The following CCDC102B variants were observed in gnomAD, a reference collection of about 807,000 sequenced individuals.
CCDC102B encodes the protein coiled-coil domain containing 102B.
In CCDC102B, 75 loss-of-function variants were observed where a neutral mutation model predicts 57.4. That is an observed-to-expected ratio of 1.31 (90% CI 1.08 to 1.58). The LOEUF (loss-of-function observed/expected upper bound fraction) is 1.58. Ranked by LOEUF, CCDC102B falls within the 40% of genes most tolerant of loss-of-function variation. The pLI is 0.00. For synonymous variants in CCDC102B, 206 were observed against 201.9 expected, an observed-to-expected ratio of 1.02 and a Z score of -0.17; for missense variants, 636 against 582.6, an observed-to-expected ratio of 1.09 and a Z score of -0.94.
intron 7 of CCDC102B, among the ~76,000 whole-genome samples, chr18:69,041,256 C>T (rs1039260666): frequency 2.0e-5 from 3 of 152,076 alleles, no homozygotes; most frequent in African/African-American, 7.2e-5. Context: ...TTACATTGAG[C>T]TTACTCAGAT....
In CCDC102B at chr18:68,716,906, G is replaced by A. The variant is rs544709469; in HGVS notation, c.-67+312G>A. On this transcript the variant is annotated intron_variant, in intron 2 of 3. Coordinates refer to the CCDC102B transcript ENST00000578970. ...ATCCTGGCTAACACAGTGAAACCCCGTCTCTACTAAGAATACAGAGAATTA... is the reference window on the plus strand; with the variant it reads ...ATCCTGGCTAACACAGTGAAACCCCATCTCTACTAAGAATACAGAGAATTA... Among the ~76,000 whole-genome samples, 15 of 151,884 alleles carry A rather than the reference G, an allele frequency of 9.9e-5. No individual in the cohort carries two copies. The East Asian group carries it at 2.3e-3, about 24-fold the overall frequency.
At chr18:68,836,014 G>T (rs1167681176) in intron 1 of CCDC102B, among the ~76,000 whole-genome samples, 2 of 152,128 alleles carry the variant, frequency 1.3e-5, no homozygotes, top group African/African-American at 4.8e-5. Flanking sequence ...ATAGAGGCTT[G>T]TTAACCTATA....
At chr18:69,010,899 C>T in intron 6 of CCDC102B, 35 bp from the exon 7 acceptor site, 1 of 1,506,462 alleles carries the variant, frequency 6.6e-7, no homozygotes, top group Non-Finnish European at 9.0e-7. Flanking sequence ...TCAGAATAGA[C>T]TATAAATAAT....
At chr18:68,758,008 C>T (rs964486586) in intron 2 of CCDC102B, among the ~76,000 whole-genome samples, 1 of 152,034 alleles carries the variant, frequency 6.6e-6, no homozygotes, top group Non-Finnish European at 1.5e-5. Flanking sequence ...AGCCTTTTCA[C>T]CTCTTCTTGG....
At chr18:69,042,040 T>C (rs1246571963) in intron 7 of CCDC102B, among the ~76,000 whole-genome samples, 1 of 152,088 alleles carries the variant, frequency 6.6e-6, no homozygotes, top group East Asian at 1.9e-4. Context: ...TTATTCATAG[T>C]TGTATTAATT....
intron 6 of CCDC102B, among the ~76,000 whole-genome samples, chr18:69,007,663 A>G: frequency 6.6e-6 from 1 of 152,194 alleles, no homozygotes. Context: ...GAAGTTCCCA[A>G]GTGATGCCGT....
chr18:68,975,948 G>A (rs1246125001), intron 6 of CCDC102B, among the ~76,000 whole-genome samples: 2 of 151,456 alleles, frequency 1.3e-5, no homozygotes, highest in African/African-American at 4.9e-5. Flanking sequence ...GCCTTTATTA[G>A]TACGGACAGC....
At chr18:68,997,779 T>A (rs992578915) in intron 6 of CCDC102B, among the ~76,000 whole-genome samples, 21 of 152,202 alleles carry the variant, frequency 1.4e-4, no homozygotes, top group African/African-American at 5.1e-4. Context: ...AATCTGTCCT[T>A]TATGTTCTCA....
intron 7 of CCDC102B, among the ~76,000 whole-genome samples, chr18:69,014,976 A>AGTGT (rs758831401): frequency 4.7e-4 from 54 of 115,684 alleles, no homozygotes; most frequent in Middle Eastern, 4.8e-3. Context: ...AGAGAGAGAG[A>AGTGT]GAGTGTGTGT....
At chr18:69,009,481 C>A (rs1445414250) in intron 6 of CCDC102B, among the ~76,000 whole-genome samples, 1 of 151,928 alleles carries the variant, frequency 6.6e-6, no homozygotes, top group East Asian at 1.9e-4. Context: ...AATTGATGTG[C>A]CTCTAATTTG....
At chr18:69,042,207 A>G (rs184603756) in intron 7 of CCDC102B, among the ~76,000 whole-genome samples, 4 of 152,252 alleles carry the variant, frequency 2.6e-5, no homozygotes, top group Admixed American at 6.6e-5. Flanking sequence ...TAATATTACA[A>G]TAAATTATTG....
At chr18:68,725,519 G>A (rs542216774) in intron 2 of CCDC102B, among the ~76,000 whole-genome samples, 1 of 152,228 alleles carries the variant, frequency 6.6e-6, no homozygotes, top group Admixed American at 6.5e-5. Context: ...TAGGACTGAG[G>A]GCTCTGTTTC....
chr18:68,893,167 CTT>C (rs1249093956), intron 5 of CCDC102B, among the ~76,000 whole-genome samples: 1 of 152,070 alleles, frequency 6.6e-6, no homozygotes, highest in Non-Finnish European at 1.5e-5. Context: ...AAATTTATGA[CTT>C]TAGACATTTT....
intron 6 of CCDC102B, among the ~76,000 whole-genome samples, chr18:68,936,812 C>T (rs952799085): frequency 2.1e-4 from 32 of 150,360 alleles, no homozygotes; most frequent in African/African-American, 7.6e-4. Context: ...TACATATATA[C>T]ACACATATAC....
intron 7 of CCDC102B, 28 bp from the exon 8 acceptor site, chr18:69,054,002 A>G (rs745941521): frequency 1.4e-5 from 22 of 1,586,436 alleles, no homozygotes; most frequent in Middle Eastern, 3.3e-4. Context: ...CTTGAACCTA[A>G]CTAAAGCATT....
At chr18:69,055,203 GC>G (rs1315966721), downstream of CCDC102B, 13 of 936,846 alleles carry the variant, frequency 1.4e-5, no homozygotes, top group African/African-American at 2.3e-4. Flanking sequence ...CATTGTAAAA[GC>G]CTTTGTCATT....
intron 6 of CCDC102B, among the ~76,000 whole-genome samples, chr18:68,990,796 T>C (rs1262946360): frequency 6.6e-6 from 1 of 152,158 alleles, no homozygotes; most frequent in South Asian, 2.1e-4. Flanking sequence ...CTTTTATAGA[T>C]ATAGGTACTT....
rs551172664 is a variant in CCDC102B, at chr18:68,734,476, A to G, written c.-67+17882A>G. On this transcript the variant is annotated intron_variant, in intron 2 of 3. Coordinates refer to the CCDC102B transcript ENST00000578970. ...ATGACAACAACAAGGGATTATAGTCATCATCTGGCTTACGGAGAAATTTTA... is the reference window on the plus strand; with the variant it reads ...ATGACAACAACAAGGGATTATAGTCGTCATCTGGCTTACGGAGAAATTTTA... Among the ~76,000 whole-genome samples the G allele has an allele frequency of 9.8e-5, 15 of 152,352 alleles. No homozygotes were observed. In the South Asian group the frequency reaches 2.7e-3, roughly 27 times the overall value.
At chr18:68,810,258 T>A (rs2036191866) in intron 1 of CCDC102B, among the ~76,000 whole-genome samples, 1 of 152,196 alleles carries the variant, frequency 6.6e-6, no homozygotes, top group Admixed American at 6.5e-5. Context: ...CAGATAGATT[T>A]TAGTCTTTAG....
Sources: allele counts gnomAD v4.1 joint callset (sites outside exome capture counted in the v4.1 genomes callset), GRCh38; gene constraint gnomAD v4.1.1; transcripts MANE v1.5; gene names NCBI Gene and HGNC (gene_info 2026-07-23, HGNC 2026-07-21).